RPA1: variants seen among roughly 807,000 people sequenced by gnomAD.
RPA1 encodes replication protein A 70 kDa DNA-binding subunit.
In RPA1, 49 loss-of-function variants were observed where a neutral mutation model predicts 83.0. The ratio of observed to expected loss-of-function variants is 0.59; its 90% CI spans 0.47 to 0.75. RPA1 has a LOEUF of 0.75. Among genes scored for constraint, RPA1 ranks in the 30% least tolerant of loss-of-function variants. The pLI is 0.00. For missense variants in RPA1, 693 were observed against 776.1 expected (o/e 0.89, Z 1.27); for synonymous variants, 279 against 281.8 (o/e 0.99, Z 0.10).
intron 1 of RPA1, among the ~76,000 whole-genome samples, chr17:1,842,552 G>T (rs552068830): frequency 6.6e-6 from 1 of 152,150 alleles, no homozygotes; most frequent in Non-Finnish European, 1.5e-5. Flanking sequence ...ATGAATGGCT[G>T]TTAAGAATAA....
intron 8 of RPA1, 116 bp downstream of exon 8, chr17:1,877,430 G>T (rs897325561): frequency 1.2e-6 from 1 of 838,112 alleles, no homozygotes; most frequent in Non-Finnish European, 2.0e-6. Flanking sequence ...TCTGCGGAGG[G>T]CAGTGGGCTC....
chr17:1,847,269 G>A (rs1237595961), intron 4 of RPA1, among the ~76,000 whole-genome samples: 1 of 152,178 alleles, frequency 6.6e-6, no homozygotes, highest in Non-Finnish European at 1.5e-5. Flanking sequence ...CTTCTCACTT[G>A]GGACCTTTTA....
intron 14 of RPA1, among the ~76,000 whole-genome samples, chr17:1,891,407 C>T (rs1914195883): frequency 6.6e-6 from 1 of 151,390 alleles, no homozygotes; most frequent in Non-Finnish European, 1.5e-5. Context: ...AACCCTTCAT[C>T]CAAAGCCAGC....
rs755642546 is a variant in RPA1, at chr17:1,868,499, G to A, written c.362-3935G>A. 2.0e-5 allele frequency among the ~76,000 whole-genome samples: 3 copies of A among 152,126 alleles called. No individual in the cohort carries two copies. In the South Asian group the frequency reaches 6.2e-4, roughly 32 times the overall value. On this transcript the variant is annotated intron_variant, in intron 5 of 16. Coordinates refer to ENST00000254719, the MANE Select transcript of RPA1 (RefSeq NM_002945.5). ...CGTTGAAATTGTCTTGGCGGGGCAC[G>A]GTGGCTCACTCCTGTAATGCCAGCA... is the stretch of plus-strand genomic sequence containing the variant.
chr17:1,898,149 G>C lies in RPA1; in HGVS notation c.*974G>C, dbSNP rs371326953. On this transcript the variant is annotated 3_prime_UTR_variant, in exon 17 of 17. Coordinates refer to ENST00000254719, the MANE Select transcript of RPA1 (RefSeq NM_002945.5). The stretch of plus-strand genomic sequence containing the variant: ...GCCTTCATAATAAATGTTCACTTGG[G>C]GGGGATGTTAACTCATTATAAACCC... 1.3e-5 allele frequency: 2 copies of C among 152,180 alleles called. No homozygotes were observed. The highest frequency in any genetic ancestry group is 4.8e-5 in the African/African-American group (2 of 41,430). The allele number at this position is 152,180 out of a possible 1,614,324, so 9.4% of individuals were successfully genotyped here. A position where few individuals can be genotyped will look rare whatever the true frequency, so the allele number is the denominator to read the frequency against.
Position 1,898,973 on chromosome 17 carries a change from C to A in RPA1, c.*1798C>A. The A allele has an allele frequency of 6.5e-6, 1 of 153,074 alleles. No individual in the cohort carries two copies. The allele number at this position is 153,074 out of a possible 1,614,324, so 9.5% of individuals were successfully genotyped here. A position where few individuals can be genotyped will look rare whatever the true frequency, so the allele number is the denominator to read the frequency against. ...TCATGCCTACTACTCCCAGCATTCC[C>A]TCCTCTCCCCACGTGTCTGTCCACA... On this transcript the variant is annotated 3_prime_UTR_variant, in exon 17 of 17. Transcript: ENST00000254719.
At position 1,891,813 on chromosome 17, in the gene RPA1, T is replaced by C. The variant is rs771456441; in HGVS notation, c.1552-20T>C. ...TTTTATTATTTCTTTGCTGAAATAATGTAGAATTGTGTTTTTTAGGTAAAT... is the reference window on the plus strand; with the variant it reads ...TTTTATTATTTCTTTGCTGAAATAACGTAGAATTGTGTTTTTTAGGTAAAT... On this transcript the variant is annotated intron_variant, in intron 14 of 16. Coordinates refer to ENST00000254719, the MANE Select transcript of RPA1 (RefSeq NM_002945.5). The C allele has an allele frequency of 6.3e-6, 9 of 1,421,760 alleles. No individual in the cohort carries two copies. The South Asian group carries it at 8.4e-5, about 13-fold the overall frequency. The allele number at this position is 1,421,760 out of a possible 1,614,324, so 88.1% of individuals were successfully genotyped here.
intron 3 of RPA1, 39 bp downstream of exon 3, chr17:1,844,037 T>C: frequency 1.3e-6 from 2 of 1,567,734 alleles, no homozygotes; most frequent in Non-Finnish European, 1.8e-6. Flanking sequence ...TGTGAGTATT[T>C]AAATAGTAGA....
At chr17:1,869,462 C>T (rs1031605022) in intron 5 of RPA1, among the ~76,000 whole-genome samples, 2 of 151,730 alleles carry the variant, frequency 1.3e-5, no homozygotes, top group African/African-American at 4.8e-5. Context: ...CTCTTGAAAT[C>T]GGGAGGCGGA....
At chr17:1,891,425 C>T (rs946398263) in intron 14 of RPA1, among the ~76,000 whole-genome samples, 5 of 151,720 alleles carry the variant, frequency 3.3e-5, no homozygotes, top group African/African-American at 9.7e-5. Flanking sequence ...AGCTGCACCT[C>T]GACAGGAACT....
intron 1 of RPA1, among the ~76,000 whole-genome samples, chr17:1,831,155 TC>T (rs1205477727): frequency 6.6e-6 from 1 of 152,188 alleles, no homozygotes; most frequent in Non-Finnish European, 1.5e-5. Context: ...AAGACAAACT[TC>T]CGTCATCTGT....
intron 12 of RPA1, among the ~76,000 whole-genome samples, chr17:1,883,138 G>C (rs1226610302): frequency 6.6e-6 from 1 of 152,152 alleles, no homozygotes; most frequent in African/African-American, 2.4e-5. Context: ...CTGGCCAACA[G>C]AGCAAGACCC....
In RPA1 at chr17:1,830,031, G is replaced by T; in HGVS notation, c.-63G>T. ...TCGGGCCAATAACTGCGCAGCGCGC[G>T]GGACCCGGGTGGGGAAGCTGGAGCT... On this transcript the variant is annotated 5_prime_UTR_variant, in exon 1 of 17. Transcript: ENST00000254719. The T allele has an allele frequency of 8.0e-7, 1 of 1,243,530 alleles. No homozygotes were observed. The highest frequency in any genetic ancestry group is 1.5e-5 in the African/African-American group (1 of 64,524). The allele number at this position is 1,243,530 out of a possible 1,614,324, so 77.0% of individuals were successfully genotyped here. A position where few individuals can be genotyped will look rare whatever the true frequency, so the allele number is the denominator to read the frequency against.
At chr17:1,853,000 A>G (rs1467881521) in intron 4 of RPA1, 101 bp from the exon 5 acceptor site, 4 of 865,444 alleles carry the variant, frequency 4.6e-6, no homozygotes, top group Middle Eastern at 2.3e-4. Context: ...ACAAATGGAA[A>G]ATAGTTCATC....
At chr17:1,893,698 TA>T (rs1420784058) in intron 15 of RPA1, among the ~76,000 whole-genome samples, 5 of 152,152 alleles carry the variant, frequency 3.3e-5, no homozygotes. Flanking sequence ...TTAATAAACT[TA>T]AATTGCATTT....
At chr17:1,875,907 T>C (rs551863962) in intron 7 of RPA1, 114 bp downstream of exon 7, 2 of 1,028,692 alleles carry the variant, frequency 1.9e-6, no homozygotes, top group Non-Finnish European at 2.6e-6. Context: ...TACCACCAAA[T>C]AGAATGGGTT....
chr17:1,861,696 G>A (rs1479409147), intron 5 of RPA1, among the ~76,000 whole-genome samples: 5 of 151,244 alleles, frequency 3.3e-5, no homozygotes, highest in Admixed American at 2.0e-4. Context: ...TTAACTTCAC[G>A]CTATGGGAGA....
At chr17:1,859,994 G>A (rs1197809403) in intron 5 of RPA1, among the ~76,000 whole-genome samples, 1 of 152,114 alleles carries the variant, frequency 6.6e-6, no homozygotes, top group Non-Finnish European at 1.5e-5. Flanking sequence ...TGTATTTTTA[G>A]TAGAGATAGG....
At chr17:1,876,606 C>G (rs1913582940) in intron 7 of RPA1, among the ~76,000 whole-genome samples, 1 of 152,066 alleles carries the variant, frequency 6.6e-6, no homozygotes, top group Non-Finnish European at 1.5e-5. Flanking sequence ...AATTAGAGTT[C>G]TTTTTTCAGA....
Sources: allele counts gnomAD v4.1 joint callset (sites outside exome capture counted in the v4.1 genomes callset), GRCh38; gene constraint gnomAD v4.1.1; transcripts MANE v1.5; gene names NCBI Gene and HGNC (gene_info 2026-07-23, HGNC 2026-07-21).